Variants in RGS6 observed in about 807,000 individuals in gnomAD.
RGS6 encodes the protein regulator of G-protein signaling 6.
In RGS6, 30 loss-of-function variants were observed where a neutral mutation model predicts 78.5. The ratio of observed to expected loss-of-function variants is 0.38; its 90% CI spans 0.29 to 0.52. The LOEUF (loss-of-function observed/expected upper bound fraction) is 0.52, where lower values mean the gene tolerates loss of function less well. Ranked by LOEUF, RGS6 falls within the 20% of genes least tolerant of loss-of-function variation. The pLI, the probability that RGS6 is intolerant of heterozygous loss-of-function variation, is 0.85. For synonymous variants in RGS6, 206 were observed against 206.0 expected (o/e 1.00, Z 0.00); for missense variants, 495 against 609.7 (o/e 0.81, Z 1.98).
At chr14:72,367,658 AATAC>A (rs2082691323) in intron 3 of RGS6, among the ~76,000 whole-genome samples, 1 of 152,196 alleles carries the variant, frequency 6.6e-6, no homozygotes, top group South Asian at 2.1e-4. Context: ...TTTTTTTATG[AATAC>A]ATTTCTGTCT....
At chr14:72,589,043 G>GA in the RGS6 span, among the ~76,000 whole-genome samples, 2 of 152,094 alleles carry the variant, frequency 1.3e-5, no homozygotes, top group African/African-American at 4.8e-5. Context: ...CAAAAGACAT[G>GA]AATAAACCAT....
intron 12 of RGS6, 43 bp from the exon 13 acceptor site, chr14:72,495,109 T>C (rs768894986): frequency 8.7e-7 from 1 of 1,144,978 alleles, no homozygotes; most frequent in South Asian, 1.2e-5. Context: ...AGGGGTTTTC[T>C]AAGGAAATCA....
the RGS6 span, among the ~76,000 whole-genome samples, chr14:72,605,357 G>A: frequency 0.013 from 1,956 of 152,336 alleles, 16 homozygotes; most frequent in Non-Finnish European, 0.021. Flanking sequence ...GCAGGCGGGC[G>A]CTTGCACGCA....
chr14:71,911,484 C>T, the RGS6 span, among the ~76,000 whole-genome samples: 5 of 152,174 alleles, frequency 3.3e-5, no homozygotes, highest in Admixed American at 2.0e-4. Context: ...ATTACACAGG[C>T]ACCTCATCCT....
At chr14:72,469,391 G>A (rs554736730) in intron 7 of RGS6, among the ~76,000 whole-genome samples, 1 of 152,246 alleles carries the variant, frequency 6.6e-6, no homozygotes, top group East Asian at 1.9e-4. Flanking sequence ...AATTTTAGTA[G>A]AGATGGGGTT....
At chr14:72,211,192 C>G (rs1185174556) in intron 2 of RGS6, among the ~76,000 whole-genome samples, 3 of 152,060 alleles carry the variant, frequency 2.0e-5, no homozygotes, top group African/African-American at 7.2e-5. Context: ...TTTGAAGAAT[C>G]AGAAAGATAA....
chr14:72,451,980 G>A (rs1329277076), intron 3 of RGS6, among the ~76,000 whole-genome samples: 3 of 152,120 alleles, frequency 2.0e-5, no homozygotes. Flanking sequence ...TCAAACTCCT[G>A]ACCTCGTGAT....
intron 2 of RGS6, among the ~76,000 whole-genome samples, chr14:72,165,620 C>T (rs919863547): frequency 6.6e-6 from 1 of 152,206 alleles, no homozygotes; most frequent in Non-Finnish European, 1.5e-5. Flanking sequence ...GACATCTTTC[C>T]ACCCAAGCAA....
intron 2 of RGS6, among the ~76,000 whole-genome samples, chr14:72,238,748 C>G (rs1173285253): frequency 6.6e-6 from 1 of 152,142 alleles, no homozygotes; most frequent in Admixed American, 6.5e-5. Context: ...TCTTTCTCTG[C>G]CACTCCCAGC....
At chr14:71,940,649 CCCCTGCCACCTGGT>C (rs202244663) in intron 1 of RGS6, among the ~76,000 whole-genome samples, 9,119 of 152,264 alleles carry the variant, frequency 0.06, 370 homozygotes, top group Non-Finnish European at 0.091. Context: ...TGCCACTTGA[CCCCTGCCACCTGGT>C]CCCTGCCACC....
chr14:72,414,677 C>G (rs547447569), intron 3 of RGS6, among the ~76,000 whole-genome samples: 4 of 152,040 alleles, frequency 2.6e-5, no homozygotes, highest in African/African-American at 9.7e-5. Context: ...TCTTTTTTTC[C>G]CCCATCTTTG....
At chr14:72,283,445 A>C (rs542421365) in intron 2 of RGS6, among the ~76,000 whole-genome samples, 2 of 152,304 alleles carry the variant, frequency 1.3e-5, no homozygotes, top group South Asian at 4.2e-4. Context: ...GAGATAATTG[A>C]TTCATGGGGA....
At chr14:72,484,355 C>A (rs2096447597) in intron 12 of RGS6, among the ~76,000 whole-genome samples, 1 of 152,184 alleles carries the variant, frequency 6.6e-6, no homozygotes, top group Non-Finnish European at 1.5e-5. Context: ...CCCATAGCTG[C>A]AGGCCATACT....
At chr14:71,963,106 C>A (rs2093316503) in intron 1 of RGS6, among the ~76,000 whole-genome samples, 1 of 152,144 alleles carries the variant, frequency 6.6e-6, no homozygotes, top group Non-Finnish European at 1.5e-5. Context: ...CATTTTACTG[C>A]TGAGGACAAT....
intron 2 of RGS6, among the ~76,000 whole-genome samples, chr14:72,331,985 C>T (rs1489258105): frequency 1.3e-5 from 2 of 152,186 alleles, no homozygotes; most frequent in East Asian, 1.9e-4. Context: ...TGTAAAATCA[C>T]CTGTTAGCCC....
intron 11 of RGS6, 48 bp from the exon 12 acceptor site, chr14:72,478,220 A>G (rs1310207269): frequency 8.8e-6 from 13 of 1,470,814 alleles, no homozygotes; most frequent in Non-Finnish European, 1.0e-5. Flanking sequence ...CGAGGGGAAA[A>G]AAATAATTTT....
At chr14:72,273,491 T>C (rs1482327548) in intron 2 of RGS6, among the ~76,000 whole-genome samples, 2 of 152,152 alleles carry the variant, frequency 1.3e-5, no homozygotes, top group Non-Finnish European at 2.9e-5. Context: ...ATCGGTGGTA[T>C]ATACATAGGA....
chr14:72,490,293 G>C (rs897122496), intron 12 of RGS6, among the ~76,000 whole-genome samples: 1 of 152,178 alleles, frequency 6.6e-6, no homozygotes, highest in Admixed American at 6.5e-5. Context: ...GACATGACTT[G>C]CTCCTCCTTG....
chr14:71,880,275 G>A, the RGS6 span, among the ~76,000 whole-genome samples: 1 of 152,328 alleles, frequency 6.6e-6, no homozygotes, highest in Admixed American at 6.5e-5. Context: ...GAAATTTGCA[G>A]CCTGACAATG....
Sources: allele counts gnomAD v4.1 joint callset (sites outside exome capture counted in the v4.1 genomes callset), GRCh38; gene constraint gnomAD v4.1.1; transcripts MANE v1.5; gene names NCBI Gene and HGNC (gene_info 2026-07-23, HGNC 2026-07-21).